Variants in FSTL5 observed in about 807,000 individuals in gnomAD.
FSTL5 encodes the protein follistatin like 5.
A neutral mutation model predicts 89.1 loss-of-function variants in FSTL5; 62 were observed. The ratio of observed to expected loss-of-function variants is 0.70; its 90% CI spans 0.57 to 0.86. The LOEUF is 0.86. Among genes scored for constraint, FSTL5 ranks in the 40% least tolerant of loss-of-function variants. The pLI, the probability that FSTL5 is intolerant of heterozygous loss-of-function variation, is 0.00. For missense variants in FSTL5, 1,057 were observed against 1,001.6 expected (o/e 1.06, Z -0.75); for synonymous variants, 383 against 346.2 (o/e 1.11, Z -1.18).
intron 12 of FSTL5, among the ~76,000 whole-genome samples, chr4:161,484,449 T>C (rs1729612578): frequency 6.6e-6 from 1 of 152,190 alleles, no homozygotes; most frequent in African/African-American, 2.4e-5. Flanking sequence ...TATTCAAGTA[T>C]TCAAACATTC....
intron 4 of FSTL5, among the ~76,000 whole-genome samples, chr4:161,802,434 T>G (rs1289705945): frequency 1.3e-5 from 2 of 151,720 alleles, no homozygotes; most frequent in Non-Finnish European, 3.0e-5. Context: ...AGATAGGCAA[T>G]GCACTCAGGG....
At chr4:161,539,321 G>A (rs529140537) in intron 9 of FSTL5, among the ~76,000 whole-genome samples, 2 of 152,062 alleles carry the variant, frequency 1.3e-5, no homozygotes, top group African/African-American at 2.4e-5. Flanking sequence ...GTGTGGTTTG[G>A]GAAAACAAGG....
intron 4 of FSTL5, among the ~76,000 whole-genome samples, chr4:161,803,089 C>T (rs1205282347): frequency 2.0e-5 from 3 of 151,890 alleles, no homozygotes; most frequent in Non-Finnish European, 4.4e-5. Flanking sequence ...AAAACCACTA[C>T]ATGATTTCTG....
At chr4:162,055,127 G>T (rs1369035626) in intron 2 of FSTL5, among the ~76,000 whole-genome samples, 2 of 151,710 alleles carry the variant, frequency 1.3e-5, no homozygotes, top group Non-Finnish European at 2.9e-5. Context: ...TGTCTTAGTG[G>T]ATTGCCTATG....
chr4:162,112,651 T>A (rs1398647216), intron 1 of FSTL5, among the ~76,000 whole-genome samples: 4 of 152,144 alleles, frequency 2.6e-5, no homozygotes, highest in African/African-American at 7.2e-5. Flanking sequence ...TTTCTGAATT[T>A]CTGGAATAGT....
At chr4:162,094,666 C>A (rs371873143) in intron 2 of FSTL5, among the ~76,000 whole-genome samples, 20 of 152,030 alleles carry the variant, frequency 1.3e-4, no homozygotes, top group African/African-American at 4.8e-4. Flanking sequence ...ATTTCAAAGG[C>A]AAAACTAATT....
chr4:161,611,264 A>ATATG, intron 7 of FSTL5, among the ~76,000 whole-genome samples: 1 of 122,894 alleles, frequency 8.1e-6, no homozygotes, highest in African/African-American at 3.0e-5. Context: ...ATATATATAT[A>ATATG]TATGTAACTT....
intron 2 of FSTL5, among the ~76,000 whole-genome samples, chr4:162,056,067 C>G (rs1366609975): frequency 6.6e-6 from 1 of 151,580 alleles, no homozygotes; most frequent in Non-Finnish European, 1.5e-5. Context: ...AAATGAAACC[C>G]TGTAGAAATA....
intron 4 of FSTL5, among the ~76,000 whole-genome samples, chr4:161,878,382 T>C (rs905170819): frequency 6.6e-6 from 1 of 152,120 alleles, no homozygotes; most frequent in Non-Finnish European, 1.5e-5. Flanking sequence ...TCCAAGAGCT[T>C]TGCAAATATT....
chr4:161,854,353 G>A (rs1731654464), intron 4 of FSTL5, among the ~76,000 whole-genome samples: 1 of 152,172 alleles, frequency 6.6e-6, no homozygotes, highest in African/African-American at 2.4e-5. Flanking sequence ...TGGCATAGAG[G>A]CTGCTTACAC....
chr4:161,596,577 T>C (rs1050735321), intron 7 of FSTL5, among the ~76,000 whole-genome samples: 5 of 152,062 alleles, frequency 3.3e-5, no homozygotes, highest in Non-Finnish European at 7.4e-5. Context: ...TGACCACACT[T>C]CTCAGAATTC....
intron 8 of FSTL5, among the ~76,000 whole-genome samples, chr4:161,548,614 C>A (rs1054379417): frequency 2.0e-5 from 3 of 151,724 alleles, no homozygotes; most frequent in African/African-American, 4.8e-5. Context: ...ATGTCACATG[C>A]AATTGTATGG....
At chr4:162,032,858 C>T (rs905825987) in intron 3 of FSTL5, 1 of 151,962 alleles carries the variant, frequency 6.6e-6, no homozygotes, top group Admixed American at 6.6e-5. Flanking sequence ...GGGAAAAAAA[C>T]TGGACAATTG....
In FSTL5 at chr4:161,706,937, G is replaced by A. The variant is rs549486838; in HGVS notation, c.728-50443C>T. ...TAATAGGACAATATTTCATTGAAAA[G>A]TGCCATGAAATAACAGCAAAATATT... On this transcript the variant is annotated intron_variant, in intron 6 of 15. Transcript: ENST00000306100. 1.5e-3 allele frequency among the ~76,000 whole-genome samples: 226 copies of A among 152,014 alleles called. 1 individual carries two copies. The highest frequency in any genetic ancestry group is 1.1e-3 in the Non-Finnish European group (76 of 67,836).
At chr4:161,640,234 T>G (rs1477940727) in intron 7 of FSTL5, among the ~76,000 whole-genome samples, 3 of 152,148 alleles carry the variant, frequency 2.0e-5, no homozygotes, top group African/African-American at 7.2e-5. Context: ...AGTATTAGAT[T>G]TAACTGTCTA....
chr4:162,095,181 T>G (rs7695539), intron 2 of FSTL5, among the ~76,000 whole-genome samples: 115,861 of 151,930 alleles, frequency 0.76, 45,027 homozygotes, highest in Non-Finnish European at 0.84. Context: ...CATTGAATAA[T>G]ATCTTAACAT....
chr4:161,898,091 T>C (rs1733226338), intron 4 of FSTL5, among the ~76,000 whole-genome samples: 1 of 148,136 alleles, frequency 6.8e-6, no homozygotes, highest in African/African-American at 2.4e-5. Flanking sequence ...TATTTATATA[T>C]ATATATTTTA....
intron 3 of FSTL5, among the ~76,000 whole-genome samples, chr4:161,977,639 A>ATAAT (rs1373859019): frequency 1.8e-3 from 182 of 100,962 alleles, no homozygotes; most frequent in East Asian, 5.7e-3. Context: ...AAAAAAAAAA[A>ATAAT]AATAATAATA....
chr4:162,045,853 A>C (rs1359287423), intron 2 of FSTL5, among the ~76,000 whole-genome samples: 1 of 152,184 alleles, frequency 6.6e-6, no homozygotes. Context: ...TAGTATTCTT[A>C]GGCAACATTC....
Sources: gnomAD v4.1 joint callset for allele counts (sites outside exome capture counted in the v4.1 genomes callset) on GRCh38, gnomAD v4.1.1 for gene constraint, MANE v1.5 for transcripts, NCBI Gene and HGNC (gene_info 2026-07-23, HGNC 2026-07-21) for gene names.